MAML3: variants seen among roughly 807,000 people sequenced by gnomAD.
MAML3 encodes mastermind like transcriptional coactivator 3.
Under a neutral mutation model 101.9 loss-of-function variants are expected in MAML3, and 27 were observed. The ratio of observed to expected loss-of-function variants is 0.27; its 90% CI spans 0.20 to 0.37. MAML3 has a LOEUF of 0.37. MAML3 is among the 10% of genes least tolerant of loss of function. The pLI, the probability that MAML3 is intolerant of heterozygous loss-of-function variation, is 1.00. For synonymous variants in MAML3, 501 were observed against 555.9 expected (o/e 0.90, Z 1.39); for missense variants, 1,316 against 1,444.9 (o/e 0.91, Z 1.45).
At chr4:139,781,508 CATATATATAT>C (rs10568513) in intron 2 of MAML3, among the ~76,000 whole-genome samples, 3 of 137,060 alleles carry the variant, frequency 2.2e-5, no homozygotes, top group African/African-American at 2.6e-5. Context: ...AGAGCATTTT[CATATATATAT>C]ATATATATAT....
At chr4:139,782,437 G>C (rs1388345862) in intron 2 of MAML3, among the ~76,000 whole-genome samples, 1 of 152,152 alleles carries the variant, frequency 6.6e-6, no homozygotes, top group Non-Finnish European at 1.5e-5. Flanking sequence ...AAAGTGCTAG[G>C]ATTACAGGTG....
intron 1 of MAML3, among the ~76,000 whole-genome samples, chr4:140,101,430 A>G (rs1424696033): frequency 6.6e-6 from 1 of 152,188 alleles, no homozygotes; most frequent in African/African-American, 2.4e-5. Context: ...CACTTGTGTA[A>G]TGTATAATAC....
intron 1 of MAML3, among the ~76,000 whole-genome samples, chr4:140,059,261 A>G (rs1449080671): frequency 6.6e-6 from 1 of 152,226 alleles, no homozygotes; most frequent in African/African-American, 2.4e-5. Context: ...TATCCCTAGC[A>G]CAGTCACGGG....
intron 1 of MAML3, among the ~76,000 whole-genome samples, chr4:140,033,771 T>C (rs992133586): frequency 2.0e-5 from 3 of 152,220 alleles, no homozygotes; most frequent in Non-Finnish European, 2.9e-5. Flanking sequence ...TAAGTATGCA[T>C]GTGTAAGGAC....
At chr4:140,056,359 C>CTTTTT (rs531466780) in intron 1 of MAML3, among the ~76,000 whole-genome samples, 1 of 143,784 alleles carries the variant, frequency 7.0e-6, no homozygotes, top group Non-Finnish European at 1.5e-5. Flanking sequence ...CTTTTCTTTT[C>CTTTTT]TTTTTTTTTT....
chr4:139,864,485 T>TG (rs1327987473), intron 2 of MAML3, among the ~76,000 whole-genome samples: 1 of 152,074 alleles, frequency 6.6e-6, no homozygotes, highest in South Asian at 2.1e-4. Context: ...AAGACCATCC[T>TG]GGCCAACACG....
At chr4:140,043,788 G>A (rs879710268) in intron 1 of MAML3, among the ~76,000 whole-genome samples, 8 of 152,102 alleles carry the variant, frequency 5.3e-5, no homozygotes, top group African/African-American at 1.2e-4. Context: ...AGAAAAGTAC[G>A]TTGAAAATCA....
chr4:140,065,544 G>A (rs1396300003), intron 1 of MAML3, among the ~76,000 whole-genome samples: 1 of 152,094 alleles, frequency 6.6e-6, no homozygotes, highest in African/African-American at 2.4e-5. Flanking sequence ...GAATAAACTC[G>A]ATGCAGACAG....
Position 140,153,414 on chromosome 4 carries a change from T to A in MAML3, c.-87A>T. The stretch of plus-strand genomic sequence containing the variant: ...TCCTTGGGTCCAAGGATTAAAATAG[T>A]TTAAGTGGAACGCGGGGGAGACGCA... On this transcript the variant is annotated 5_prime_UTR_variant, in exon 1 of 5. Transcript: ENST00000509479. 7.1e-7 allele frequency: 1 copy of A among 1,403,460 alleles called. No individual in the cohort carries two copies. The highest frequency in any genetic ancestry group is 9.3e-7 in the Non-Finnish European group (1 of 1,074,966). The allele number at this position is 1,403,460 out of a possible 1,614,324, so 86.9% of individuals were successfully genotyped here.
chr4:140,083,522 A>T (rs563778368), intron 1 of MAML3, among the ~76,000 whole-genome samples: 1 of 152,184 alleles, frequency 6.6e-6, no homozygotes, highest in Non-Finnish European at 1.5e-5. Flanking sequence ...CCTTGTTTGC[A>T]CATAAATGCT....
chr4:139,719,341 TTCA>T lies in MAML3; in HGVS notation c.3396_3398del (p.Asp1132del). 6.3e-7 allele frequency: 1 copy of T among 1,594,476 alleles called. No individual in the cohort carries two copies. The highest frequency in any genetic ancestry group is 8.6e-7 in the Non-Finnish European group (1 of 1,168,118). On this transcript the variant is annotated inframe_deletion, in exon 5 of 5. Coordinates refer to ENST00000509479, the MANE Select transcript of MAML3 (RefSeq NM_018717.5). ...CTCTTGATTAGGGGTTACCAAACAA[TTCA>T]TCAAGCTCCTGCATCCACTCGTCCC...
At chr4:140,051,857 G>A (rs941115713) in intron 1 of MAML3, among the ~76,000 whole-genome samples, 4 of 152,044 alleles carry the variant, frequency 2.6e-5, no homozygotes, top group Non-Finnish European at 4.4e-5. Context: ...TGGAGGCGCC[G>A]GGATAAGAAC....
At chr4:140,047,752 G>C (rs539727492) in intron 1 of MAML3, among the ~76,000 whole-genome samples, 3 of 129,520 alleles carry the variant, frequency 2.3e-5, no homozygotes, top group Admixed American at 9.5e-5. Flanking sequence ...GAAGATGGAC[G>C]CGCTGCTCAG....
intron 1 of MAML3, among the ~76,000 whole-genome samples, chr4:139,892,695 A>G (rs1181402371): frequency 2.6e-5 from 4 of 151,628 alleles, no homozygotes; most frequent in Non-Finnish European, 2.9e-5. Flanking sequence ...CGGGGCCGGG[A>G]GCGGTGGCTC....
At chr4:139,997,521 T>A (rs1734840873) in intron 1 of MAML3, among the ~76,000 whole-genome samples, 2 of 152,116 alleles carry the variant, frequency 1.3e-5, no homozygotes, top group African/African-American at 4.8e-5. Flanking sequence ...GCTATAGACT[T>A]AATAGTAGAG....
At chr4:139,736,730 G>T (rs1365210811) in intron 2 of MAML3, among the ~76,000 whole-genome samples, 1 of 152,166 alleles carries the variant, frequency 6.6e-6, no homozygotes, top group African/African-American at 2.4e-5. Flanking sequence ...CAAATTCCCA[G>T]GCTCCCCTCT....
At chr4:139,973,884 C>T (rs1734271786) in intron 1 of MAML3, among the ~76,000 whole-genome samples, 1 of 152,152 alleles carries the variant, frequency 6.6e-6, no homozygotes, top group African/African-American at 2.4e-5. Flanking sequence ...ACCATTACAT[C>T]AGAACAAAAA....
intron 1 of MAML3, among the ~76,000 whole-genome samples, chr4:139,921,434 C>T (rs754501595): frequency 6.6e-6 from 1 of 152,182 alleles, no homozygotes; most frequent in Admixed American, 6.5e-5. Context: ...ACAAATTCAA[C>T]ACCACCATTC....
chr4:140,095,167 T>A (rs1178848561), intron 1 of MAML3, among the ~76,000 whole-genome samples: 1 of 152,206 alleles, frequency 6.6e-6, no homozygotes, highest in Non-Finnish European at 1.5e-5. Context: ...ACATCTTTCT[T>A]TGCTCTCTTT....
Sources: allele counts gnomAD v4.1 joint callset (sites outside exome capture counted in the v4.1 genomes callset), GRCh38; gene constraint gnomAD v4.1.1; transcripts MANE v1.5; gene names NCBI Gene and HGNC (gene_info 2026-07-23, HGNC 2026-07-21).